Variants in PZP observed in about 807,000 individuals in gnomAD.
PZP encodes pregnancy zone protein.
Under a neutral mutation model 179.8 loss-of-function variants are expected in PZP, and 150 were observed. The ratio of observed to expected loss-of-function variants is 0.83; its 90% CI spans 0.73 to 0.96. The LOEUF (loss-of-function observed/expected upper bound fraction) is 0.96. PZP is among the 40% of genes least tolerant of loss of function. PZP has a pLI of 0.00. For synonymous variants in PZP, 624 were observed against 652.3 expected (o/e 0.96, Z 0.66); for missense variants, 1,689 against 1,764.0 (o/e 0.96, Z 0.76).
At chr12:9,189,997 T>C (rs962458882) in intron 13 of PZP, among the ~76,000 whole-genome samples, 1 of 151,910 alleles carries the variant, frequency 6.6e-6, no homozygotes, top group African/African-American at 2.4e-5. Flanking sequence ...AAATAACAGA[T>C]GTTGGCAAGG....
intron 11 of PZP, among the ~76,000 whole-genome samples, 177 bp from the exon 12 acceptor site, chr12:9,192,916 A>C (rs969163833): frequency 6.6e-6 from 1 of 152,242 alleles, no homozygotes; most frequent in Non-Finnish European, 1.5e-5. Flanking sequence ...AAATATTAAA[A>C]GGAAATCATC....
the PZP span, among the ~76,000 whole-genome samples, chr12:9,143,229 A>G: frequency 2.0e-5 from 3 of 152,338 alleles, no homozygotes; most frequent in Non-Finnish European, 4.4e-5. Flanking sequence ...GGTGCTGTTT[A>G]ATCTGTGACA....
downstream of PZP, among the ~76,000 whole-genome samples, chr12:9,146,481 C>A (rs1940014628): frequency 6.6e-6 from 1 of 152,120 alleles, no homozygotes; most frequent in African/African-American, 2.4e-5. Flanking sequence ...TAAAGTAAAT[C>A]ACATAATTCC....
At chr12:9,174,316 A>C (rs1167303385) in intron 15 of PZP, among the ~76,000 whole-genome samples, 18 of 152,036 alleles carry the variant, frequency 1.2e-4, no homozygotes. Context: ...TAGGTATTGA[A>C]GGAACATACC....
chr12:9,138,740 A>G, the PZP span, among the ~76,000 whole-genome samples: 1 of 152,016 alleles, frequency 6.6e-6, no homozygotes, highest in South Asian at 2.1e-4. Context: ...GTATTTGGGA[A>G]TTTACACAAT....
intron 10 of PZP, among the ~76,000 whole-genome samples, chr12:9,194,668 GT>G (rs1239796811): frequency 1.1e-4 from 16 of 152,002 alleles, no homozygotes; most frequent in South Asian, 1.0e-3. Context: ...GTTTCACCAT[GT>G]TAGCCAGGAT....
At chr12:9,157,646 T>C in intron 27 of PZP, 121 bp downstream of exon 27, 1 of 885,580 alleles carries the variant, frequency 1.1e-6, no homozygotes, top group South Asian at 1.6e-5. Context: ...AGCTTATCAG[T>C]CTGAGAAATC....
downstream of PZP, among the ~76,000 whole-genome samples, chr12:9,144,942 A>T (rs1939930930): frequency 6.6e-6 from 1 of 152,192 alleles, no homozygotes; most frequent in African/African-American, 2.4e-5. Context: ...ATTAAGGGGA[A>T]CTTTAAAATG....
chr12:9,182,471 A>C (rs1484830685), intron 13 of PZP, among the ~76,000 whole-genome samples: 1 of 152,218 alleles, frequency 6.6e-6, no homozygotes, highest in Non-Finnish European at 1.5e-5. Flanking sequence ...GGTGATTCTC[A>C]ATTTAAATAT....
At chr12:9,161,512 T>G (rs958652540) in intron 22 of PZP, among the ~76,000 whole-genome samples, 1 of 152,186 alleles carries the variant, frequency 6.6e-6, no homozygotes, top group Non-Finnish European at 1.5e-5. Flanking sequence ...TTAACTATAT[T>G]TTTGCATGGC....
intron 15 of PZP, among the ~76,000 whole-genome samples, chr12:9,176,997 T>G (rs1207255987): frequency 2.0e-5 from 3 of 152,154 alleles, no homozygotes; most frequent in African/African-American, 7.2e-5. Context: ...GAGGATCGAG[T>G]ATATTTTACA....
rs140050885 is a variant in PZP, at chr12:9,194,193, A to T, written c.1138T>A (p.Phe380Ile). The part of the protein sequence containing the change: ...GKGVPIPNKL[F>I]FISVNDANYY... Reference sequence around the variant, plus strand: ...TTGGCGTCATTCACAGAGATGAAGAAGAGTTTATTGGGGATGGGCACACCT... The same window carrying T: ...TTGGCGTCATTCACAGAGATGAAGATGAGTTTATTGGGGATGGGCACACCT... The change falls in exon 11 of 36, where the codon TTC (phenylalanine) becomes ATC (isoleucine). Residue 380 changes from phenylalanine to isoleucine, a missense_variant. This residue lies in a region of PZP where 742 missense variants were observed against 730.5 expected (regional missense o/e 1.02). Coordinates refer to ENST00000261336, the MANE Select transcript of PZP (RefSeq NM_002864.3). 1.7e-3 allele frequency: 2,712 copies of T among 1,614,102 alleles called. 7 individuals carry two copies. Among genetic ancestry groups the T allele is most frequent in the Middle Eastern group, 9.4e-3 (57 of 6,062 alleles).
Position 9,163,786 on chromosome 12 carries a change from T to C in PZP, c.2618A>G (p.Asn873Ser). 1 of 1,611,588 alleles carries C rather than the reference T, an allele frequency of 6.2e-7. No homozygotes were observed. The highest frequency in any genetic ancestry group is 8.5e-7 in the Non-Finnish European group (1 of 1,179,202). Residue 873 changes from asparagine to serine, a missense_variant, in exon 21 of 36, where the codon AAT (asparagine) becomes AGT (serine). Around this residue, in one of 3 missense-constraint regions of PZP, gnomAD observed 746 missense variants for 749.2 expected, o/e 1.00. Transcript: ENST00000261336. ...CTCTGCACTCACTGAGAAGTTCACA[T>C]TCCCTAAAACAAGGAATATTGAAAA... The part of the protein sequence containing the change: ...SWTVTPKTLG[N>S]VNFSVSAEAM...
downstream of PZP, among the ~76,000 whole-genome samples, chr12:9,144,037 C>G (rs1248207614): frequency 2.0e-5 from 3 of 152,234 alleles, no homozygotes; most frequent in Non-Finnish European, 4.4e-5. Context: ...GATGGCATAC[C>G]TGACTTTCCC....
At chr12:9,138,656 G>A in the PZP span, among the ~76,000 whole-genome samples, 16 of 151,986 alleles carry the variant, frequency 1.1e-4, no homozygotes, top group African/African-American at 3.6e-4. Flanking sequence ...AAGGATTTTT[G>A]TTATTCATTA....
At chr12:9,158,757 C>T (rs68092430) in intron 25 of PZP, among the ~76,000 whole-genome samples, 181 bp from the exon 26 acceptor site, 26,014 of 121,990 alleles carry the variant, frequency 0.21, 3,390 homozygotes, top group Non-Finnish European at 0.29. Context: ...CTTTTCTTTT[C>T]TTTTTTTTTT....
chr12:9,164,564 T>C (rs1392970229), intron 19 of PZP, among the ~76,000 whole-genome samples: 1 of 152,198 alleles, frequency 6.6e-6, no homozygotes, highest in Non-Finnish European at 1.5e-5. Flanking sequence ...TCTGCTGCTA[T>C]GTAGATTTTC....
chr12:9,144,785 G>A (rs751428609), downstream of PZP, among the ~76,000 whole-genome samples: 4 of 152,286 alleles, frequency 2.6e-5, no homozygotes, highest in South Asian at 2.1e-4. Context: ...CTCTCTGGCC[G>A]GAGGGGAGGT....
At chr12:9,190,089 C>T (rs934658198) in intron 13 of PZP, among the ~76,000 whole-genome samples, 2 of 152,054 alleles carry the variant, frequency 1.3e-5, no homozygotes, top group African/African-American at 4.8e-5. Context: ...TGTGGCGATT[C>T]CTCAAAGAGC....
Sources: allele counts gnomAD v4.1 joint callset (sites outside exome capture counted in the v4.1 genomes callset), GRCh38; gene constraint gnomAD v4.1.1; regional missense constraint gnomAD v4.1.1; transcripts MANE v1.5; gene names NCBI Gene and HGNC (gene_info 2026-07-23, HGNC 2026-07-21).